SWAP70: variants seen among roughly 807,000 people sequenced by gnomAD.
The protein encoded by SWAP70 is switching B cell complex subunit SWAP70, also known as switch-associated protein 70.
In SWAP70, 34 loss-of-function variants were observed where a neutral mutation model predicts 80.2. The ratio of observed to expected loss-of-function variants is 0.42; its 90% CI spans 0.32 to 0.56. The LOEUF (loss-of-function observed/expected upper bound fraction) is 0.56, where lower values mean the gene tolerates loss of function less well. Among genes scored for constraint, SWAP70 ranks in the 20% least tolerant of loss-of-function variants. The probability of loss-of-function intolerance (pLI) is 0.09; values close to 1 mark genes in which losing one functional copy is unlikely to be tolerated. For synonymous variants in SWAP70, 239 were observed against 238.5 expected (o/e 1.00, Z -0.02); for missense variants, 578 against 690.7 (o/e 0.84, Z 1.83).
At chr11:9,718,036 C>G (rs1851087937) in intron 3 of SWAP70, among the ~76,000 whole-genome samples, 1 of 152,214 alleles carries the variant, frequency 6.6e-6, no homozygotes, top group South Asian at 2.1e-4. Context: ...CCACATGGGC[C>G]TTGATGTGCG....
chr11:9,713,691 C>G lies in SWAP70; in HGVS notation c.414+52C>G, dbSNP rs1156366403. On this transcript the variant is annotated intron_variant, in intron 3 of 11. Transcript: ENST00000318950. ...CTTGGTCATTTTAGCATTTAATAGA[C>G]CTGGCTTGGTATTTTTTCTGTTAAT... is the stretch of plus-strand genomic sequence containing the variant. 4 of 1,547,988 alleles carry G rather than the reference C, an allele frequency of 2.6e-6. No individual in the cohort carries two copies. The Admixed American group carries it at 7.9e-5, about 30-fold the overall frequency.
intron 4 of SWAP70, among the ~76,000 whole-genome samples, chr11:9,725,553 A>ATTTT (rs1851204687): frequency 4.6e-5 from 1 of 21,582 alleles, no homozygotes; most frequent in African/African-American, 1.3e-4. Context: ...ATATATATAT[A>ATTTT]TATATATATA....
At chr11:9,740,628 C>T (rs1025749408) in intron 9 of SWAP70, 31 of 429,684 alleles carry the variant, frequency 7.2e-5, no homozygotes, top group African/African-American at 3.0e-4. Flanking sequence ...TAGTCTTATT[C>T]GAGAAAATCC....
chr11:9,744,456 T>G (rs1851484930), intron 9 of SWAP70, among the ~76,000 whole-genome samples: 1 of 152,220 alleles, frequency 6.6e-6, no homozygotes, highest in Admixed American at 6.5e-5. Flanking sequence ...AACAGTCCAC[T>G]ATACTGTTTT....
chr11:9,723,866 A>G (rs1179011010), intron 3 of SWAP70, among the ~76,000 whole-genome samples: 2 of 151,140 alleles, frequency 1.3e-5, no homozygotes, highest in Non-Finnish European at 2.9e-5. Flanking sequence ...TCTGTCTTCA[A>G]GGTTCAAACG....
At chr11:9,706,716 G>A (rs1250199729) in intron 2 of SWAP70, among the ~76,000 whole-genome samples, 2 of 151,896 alleles carry the variant, frequency 1.3e-5, no homozygotes, top group African/African-American at 4.8e-5. Context: ...TGCTGTATAT[G>A]GTCTTTTCTG....
chr11:9,728,892 C>T (rs970346451), intron 5 of SWAP70, among the ~76,000 whole-genome samples: 2 of 152,162 alleles, frequency 1.3e-5, no homozygotes, highest in East Asian at 1.9e-4. Flanking sequence ...CCAGTTTACT[C>T]ATAAACATAT....
intron 4 of SWAP70, among the ~76,000 whole-genome samples, chr11:9,726,719 G>A (rs1851229967): frequency 1.3e-5 from 2 of 152,130 alleles, no homozygotes; most frequent in South Asian, 4.1e-4. Flanking sequence ...ACTAAAAATA[G>A]CAGCTATTCT....
chr11:9,665,926 ATC>A (rs1850301419), intron 1 of SWAP70, among the ~76,000 whole-genome samples: 1 of 150,874 alleles, frequency 6.6e-6, no homozygotes, highest in South Asian at 2.1e-4. Flanking sequence ...CATTCTGACA[ATC>A]TCTGTCTTTT....
chr11:9,728,346 A>G, intron 5 of SWAP70, 147 bp downstream of exon 5: 1 of 956,772 alleles, frequency 1.0e-6, no homozygotes, highest in South Asian at 3.2e-5. Flanking sequence ...TGCAGTTGCC[A>G]TGGTTTCTGA....
intron 1 of SWAP70, among the ~76,000 whole-genome samples, chr11:9,667,671 T>G (rs1349762618): frequency 1.3e-5 from 2 of 152,134 alleles, no homozygotes; most frequent in Admixed American, 1.3e-4. Context: ...CAAGCAGTCC[T>G]CCCACTTCAG....
At chr11:9,735,160 TC>T (rs1261234558) in intron 7 of SWAP70, among the ~76,000 whole-genome samples, 1 of 152,090 alleles carries the variant, frequency 6.6e-6, no homozygotes, top group African/African-American at 2.4e-5. Context: ...AAAGATTTTC[TC>T]CCCCTCCCCC....
intron 9 of SWAP70, among the ~76,000 whole-genome samples, chr11:9,744,494 A>G (rs191848611): frequency 2.0e-5 from 3 of 152,348 alleles, no homozygotes; most frequent in African/African-American, 7.2e-5. Context: ...CAATTAAATT[A>G]TGATTGACTA....
intron 6 of SWAP70, among the ~76,000 whole-genome samples, chr11:9,732,176 A>G (rs537950427): frequency 3.3e-5 from 5 of 151,928 alleles, no homozygotes; most frequent in Non-Finnish European, 7.3e-5. Context: ...AGTCGAAAGT[A>G]TTGTCATTAG....
chr11:9,710,573 C>G (rs1850982820), intron 2 of SWAP70, among the ~76,000 whole-genome samples: 1 of 151,598 alleles, frequency 6.6e-6, no homozygotes, highest in Non-Finnish European at 1.5e-5. Context: ...TCATATCTTT[C>G]TAAAAAGAAA....
intron 1 of SWAP70, among the ~76,000 whole-genome samples, chr11:9,682,884 G>A (rs1850585356): frequency 6.6e-6 from 1 of 152,098 alleles, no homozygotes; most frequent in Admixed American, 6.5e-5. Context: ...TGCCATGTTG[G>A]CAGGCTGGTC....
chr11:9,672,015 TTAA>T (rs915473856), intron 1 of SWAP70, among the ~76,000 whole-genome samples: 46 of 119,120 alleles, frequency 3.9e-4, no homozygotes, highest in South Asian at 7.1e-4. Flanking sequence ...AATATATATT[TTAA>T]TAATATATAT....
At chr11:9,734,679 G>T (rs577011978) in intron 7 of SWAP70, among the ~76,000 whole-genome samples, 1 of 152,272 alleles carries the variant, frequency 6.6e-6, no homozygotes, top group Admixed American at 6.5e-5. Flanking sequence ...CCGCTCTGTT[G>T]TTCAGGCTGG....
At chr11:9,693,816 T>G (rs1850722613) in intron 1 of SWAP70, among the ~76,000 whole-genome samples, 1 of 152,032 alleles carries the variant, frequency 6.6e-6, no homozygotes, top group South Asian at 2.1e-4. Flanking sequence ...CACATTCTCT[T>G]AGACTTCCCC....
Sources: gnomAD v4.1 joint callset for allele counts (sites outside exome capture counted in the v4.1 genomes callset) on GRCh38, gnomAD v4.1.1 for gene constraint, MANE v1.5 for transcripts, NCBI Gene and HGNC (gene_info 2026-07-23, HGNC 2026-07-21) for gene names.